The following CNTNAP2 variants were observed in gnomAD, a reference collection of about 807,000 sequenced individuals.
The protein encoded by CNTNAP2 is contactin-associated protein-like 2.
A neutral mutation model predicts 155.2 loss-of-function variants in CNTNAP2; 98 were observed. The observed-to-expected ratio is 0.63, with a 90% CI of 0.54 to 0.75. CNTNAP2 has a LOEUF of 0.75. Among genes scored for constraint, CNTNAP2 ranks in the 30% least tolerant of loss-of-function variants. CNTNAP2 has a pLI of 0.00. For synonymous variants in CNTNAP2, 651 were observed against 631.2 expected, an observed-to-expected ratio of 1.03 and a Z score of -0.47; for missense variants, 1,727 against 1,688.1, an observed-to-expected ratio of 1.02 and a Z score of -0.40.
intron 8 of CNTNAP2, among the ~76,000 whole-genome samples, chr7:147,266,622 A>C (rs976903149): frequency 4.6e-5 from 7 of 152,212 alleles, no homozygotes; most frequent in African/African-American, 1.7e-4. Context: ...CTTCCATAAA[A>C]AATGATTTTA....
At chr7:146,688,445 G>A (rs1800640674) in intron 1 of CNTNAP2, among the ~76,000 whole-genome samples, 1 of 151,874 alleles carries the variant, frequency 6.6e-6, no homozygotes, top group African/African-American at 2.4e-5. Context: ...TCAGCAAAGG[G>A]AGATAGGGGT....
intron 14 of CNTNAP2, among the ~76,000 whole-genome samples, chr7:147,974,869 T>C (rs1328201834): frequency 1.3e-5 from 2 of 151,948 alleles, no homozygotes; most frequent in South Asian, 2.1e-4. Flanking sequence ...AGAACATTCA[T>C]AGCAGCTTTA....
intron 15 of CNTNAP2, among the ~76,000 whole-genome samples, chr7:148,065,239 G>A (rs775434406): frequency 6.6e-5 from 10 of 152,142 alleles, no homozygotes; most frequent in African/African-American, 1.4e-4. Context: ...AACGTTCCAT[G>A]TGCTGATGAG....
At chr7:147,117,187 G>A (rs1239105759) in intron 5 of CNTNAP2, among the ~76,000 whole-genome samples, 1 of 152,068 alleles carries the variant, frequency 6.6e-6, no homozygotes. Context: ...GAAATCCCAG[G>A]GTGGAGTTTG....
intron 1 of CNTNAP2, among the ~76,000 whole-genome samples, chr7:146,209,820 T>C (rs1056704954): frequency 6.6e-6 from 1 of 152,194 alleles, no homozygotes. Flanking sequence ...AAATCATTAA[T>C]GAAGGCATAT....
chr7:146,431,937 C>A (rs904437318), intron 1 of CNTNAP2, among the ~76,000 whole-genome samples: 1 of 152,068 alleles, frequency 6.6e-6, no homozygotes, highest in African/African-American at 2.4e-5. Flanking sequence ...TTTGTTTGCT[C>A]TCTCTTTGAG....
At chr7:148,142,837 GTGCCACC>G (rs1805102550) in intron 16 of CNTNAP2, among the ~76,000 whole-genome samples, 2 of 152,326 alleles carry the variant, frequency 1.3e-5, no homozygotes, top group Admixed American at 1.3e-4. Context: ...AGAGCAAATA[GTGCCACC>G]TGCTGGAATT....
chr7:146,520,818 A>G (rs566117937), intron 1 of CNTNAP2, among the ~76,000 whole-genome samples: 2 of 152,062 alleles, frequency 1.3e-5, no homozygotes, highest in East Asian at 3.9e-4. Flanking sequence ...ATGTCTCCAG[A>G]AATGAGTTGT....
intron 1 of CNTNAP2, among the ~76,000 whole-genome samples, chr7:146,622,375 A>G (rs1033572758): frequency 2.0e-5 from 3 of 151,910 alleles, no homozygotes; most frequent in African/African-American, 7.3e-5. Context: ...GGGTAATGGT[A>G]CTTACCAGAA....
intron 2 of CNTNAP2, among the ~76,000 whole-genome samples, chr7:146,806,803 A>G (rs770267259): frequency 1.3e-5 from 2 of 152,162 alleles, no homozygotes; most frequent in Admixed American, 6.6e-5. Flanking sequence ...ACAGATTCTC[A>G]GTTAGACTTT....
chr7:146,638,208 T>C (rs1563166816), intron 1 of CNTNAP2, among the ~76,000 whole-genome samples: 1 of 152,130 alleles, frequency 6.6e-6, no homozygotes, highest in Non-Finnish European at 1.5e-5. Flanking sequence ...TGATATCACA[T>C]CCAAAACAAT....
chr7:146,401,156 C>G (rs1357005340), intron 1 of CNTNAP2, among the ~76,000 whole-genome samples: 2 of 152,252 alleles, frequency 1.3e-5, no homozygotes, highest in African/African-American at 2.4e-5. Context: ...TTTCTTGAGT[C>G]TATATAACTT....
Position 146,809,227 on chromosome 7 carries a change from C to T in CNTNAP2, c.209-30484C>T, listed in dbSNP as rs975974601. 3.3e-5 allele frequency among the ~76,000 whole-genome samples: 5 copies of T among 152,088 alleles called. No individual in the cohort carries two copies. In the East Asian group the frequency reaches 7.7e-4, roughly 23 times the overall value. On this transcript the variant is annotated intron_variant, in intron 2 of 23. Coordinates refer to ENST00000361727, the MANE Select transcript of CNTNAP2 (RefSeq NM_014141.6). ...TCCCTTTTCTCTACAGCCTCCCAAA[C>T]GTTGTTGTTTCTTGTCTTTTGATAA... is the stretch of plus-strand genomic sequence containing the variant.
chr7:148,363,413 TGACAATATACAA>T lies in CNTNAP2; in HGVS notation c.3476-20231_3476-20220del, dbSNP rs140408877. 3.7e-3 allele frequency among the ~76,000 whole-genome samples: 562 copies of T among 152,356 alleles called. 2 individuals are homozygous for T. Among genetic ancestry groups the T allele is most frequent in the African/African-American group, 0.013 (535 of 41,588 alleles). The stretch of plus-strand genomic sequence containing the variant: ...GAGTGTATTAAATGCACTTTTATTC[TGACAATATACAA>T]GACAGTAATATTATTTTTTGACTGA... On this transcript the variant is annotated intron_variant, in intron 21 of 23. Coordinates refer to ENST00000361727, the MANE Select transcript of CNTNAP2 (RefSeq NM_014141.6).
At chr7:147,854,772 C>T (rs1169829630) in intron 13 of CNTNAP2, among the ~76,000 whole-genome samples, 3 of 152,220 alleles carry the variant, frequency 2.0e-5, no homozygotes, top group Non-Finnish European at 4.4e-5. Context: ...ACTTTGAAGT[C>T]TACTTGAAAC....
chr7:147,666,706 G>T (rs75595605), intron 13 of CNTNAP2, among the ~76,000 whole-genome samples: 2 of 151,996 alleles, frequency 1.3e-5, no homozygotes, highest in South Asian at 2.1e-4. Context: ...TATTCATCAC[G>T]GTCCTTAATC....
chr7:146,395,445 G>C (rs1203963860), intron 1 of CNTNAP2, among the ~76,000 whole-genome samples: 1 of 132,434 alleles, frequency 7.6e-6, no homozygotes, highest in Admixed American at 8.3e-5. Context: ...ACATAATAGT[G>C]CTAAATAGTT....
intron 1 of CNTNAP2, among the ~76,000 whole-genome samples, chr7:146,244,452 G>A (rs1799613045): frequency 1.3e-5 from 2 of 152,180 alleles, no homozygotes; most frequent in South Asian, 4.1e-4. Context: ...CTAATAAAAA[G>A]GAGCGTCTAT....
chr7:147,587,361 T>C (rs969693940), intron 12 of CNTNAP2, among the ~76,000 whole-genome samples: 3 of 152,222 alleles, frequency 2.0e-5, no homozygotes, highest in African/African-American at 7.2e-5. Flanking sequence ...AGCATAAAGT[T>C]GGTGAGCCTT....
Sources: gnomAD v4.1 joint callset for allele counts (sites outside exome capture counted in the v4.1 genomes callset) on GRCh38, gnomAD v4.1.1 for gene constraint, MANE v1.5 for transcripts, NCBI Gene and HGNC (gene_info 2026-07-23, HGNC 2026-07-21) for gene names.